Variants in PDGFD observed in about 807,000 individuals in gnomAD.
PDGFD encodes the protein platelet derived growth factor D.
Under a neutral mutation model 44.7 loss-of-function variants are expected in PDGFD, and 30 were observed. That is an observed-to-expected ratio of 0.67 (90% confidence interval 0.50 to 0.91). PDGFD has a LOEUF of 0.91. PDGFD is among the 40% of genes least tolerant of loss of function. The pLI is 0.00. For synonymous variants in PDGFD, 173 were observed against 168.4 expected (o/e 1.03, Z -0.21); for missense variants, 445 against 457.8 (o/e 0.97, Z 0.25).
chr11:103,926,271 T>C (rs1858313533), intron 6 of PDGFD, among the ~76,000 whole-genome samples: 1 of 152,232 alleles, frequency 6.6e-6, no homozygotes, highest in Non-Finnish European at 1.5e-5. Context: ...ACAATAGTTT[T>C]TGTCAAGCAA....
intron 1 of PDGFD, among the ~76,000 whole-genome samples, chr11:104,125,149 A>G (rs1861824207): frequency 6.6e-6 from 1 of 152,152 alleles, no homozygotes; most frequent in African/African-American, 2.4e-5. Context: ...TATGAAAGTA[A>G]TATGTTAGTA....
intron 1 of PDGFD, among the ~76,000 whole-genome samples, chr11:104,042,096 A>G (rs1860363462): frequency 6.6e-6 from 1 of 152,208 alleles, no homozygotes; most frequent in Non-Finnish European, 1.5e-5. Context: ...AGGAGCAAAC[A>G]TAAAGATGGG....
At chr11:103,973,157 G>C (rs879769052) in intron 3 of PDGFD, among the ~76,000 whole-genome samples, 3 of 75,750 alleles carry the variant, frequency 4.0e-5, no homozygotes, top group Non-Finnish European at 8.1e-5. Flanking sequence ...TTTTTTTTTT[G>C]AGATGGAGTC....
At chr11:103,975,670 A>G (rs1219213794) in intron 3 of PDGFD, among the ~76,000 whole-genome samples, 1 of 152,096 alleles carries the variant, frequency 6.6e-6, no homozygotes, top group Non-Finnish European at 1.5e-5. Context: ...TTAATTTTGT[A>G]TAAGGTATAT....
In PDGFD at chr11:103,943,536, C is replaced by G. The variant is rs781392119; in HGVS notation, c.688G>C (p.Glu230Gln). The change falls in exon 5 of 7, where the codon GAG (glutamate) becomes CAG (glutamine). Residue 230 changes from glutamate to glutamine, a missense_variant. Glu to Gln is a conservative substitution (Grantham distance 29). Coordinates refer to ENST00000393158, the MANE Select transcript of PDGFD (RefSeq NM_025208.5). ...TTCTCAAGATCTTCTTGCCATGACT[C>G]TGGATTGAAGTACTTGAGCAGATCT... ...VEDLLKYFNPESWQEDLENMY... is the reference protein window; with the variant it reads ...VEDLLKYFNPQSWQEDLENMY... 2.5e-6 allele frequency: 4 copies of G among 1,613,262 alleles called. No individual in the cohort carries two copies. In the South Asian group the frequency reaches 4.4e-5, roughly 18 times the overall value.
At chr11:104,066,611 A>T (rs1320871720) in intron 1 of PDGFD, among the ~76,000 whole-genome samples, 1 of 152,178 alleles carries the variant, frequency 6.6e-6, no homozygotes. Context: ...AACCTATTAT[A>T]ATTTATATAA....
At chr11:103,971,354 T>G (rs755439514) in intron 3 of PDGFD, among the ~76,000 whole-genome samples, 23 of 152,204 alleles carry the variant, frequency 1.5e-4, no homozygotes, top group African/African-American at 5.1e-4. Flanking sequence ...TGAAAGCTGA[T>G]GAGTGAACAG....
intron 1 of PDGFD, among the ~76,000 whole-genome samples, chr11:104,124,165 G>C (rs1414143733): frequency 6.6e-6 from 1 of 151,936 alleles, no homozygotes; most frequent in Non-Finnish European, 1.5e-5. Context: ...CTAAGAAAAT[G>C]TACAGAGTGG....
intron 1 of PDGFD, among the ~76,000 whole-genome samples, chr11:104,116,068 T>C (rs1050177945): frequency 6.6e-6 from 1 of 152,112 alleles, no homozygotes; most frequent in African/African-American, 2.4e-5. Context: ...TTGTTTTTAT[T>C]GCAATTGCTT....
chr11:104,075,404 A>T (rs965787509), intron 1 of PDGFD, among the ~76,000 whole-genome samples: 4 of 151,966 alleles, frequency 2.6e-5, no homozygotes, highest in African/African-American at 9.7e-5. Flanking sequence ...AATCTACACT[A>T]AGTGTGAGGT....
intron 6 of PDGFD, among the ~76,000 whole-genome samples, chr11:103,912,383 T>A (rs1446038488): frequency 6.6e-6 from 1 of 152,276 alleles, no homozygotes; most frequent in East Asian, 1.9e-4. Flanking sequence ...CAAACCAAGC[T>A]TCCTAAGTGA....
chr11:103,971,099 G>A (rs920079261), intron 3 of PDGFD, among the ~76,000 whole-genome samples: 1 of 152,070 alleles, frequency 6.6e-6, no homozygotes, highest in Non-Finnish European at 1.5e-5. Context: ...GAATATATGT[G>A]TCATAACTTT....
At chr11:104,080,275 T>C (rs536825793) in intron 1 of PDGFD, among the ~76,000 whole-genome samples, 1 of 152,318 alleles carries the variant, frequency 6.6e-6, no homozygotes, top group Admixed American at 6.5e-5. Context: ...AACAGGTGAA[T>C]AATATGTTAT....
intron 1 of PDGFD, chr11:104,038,157 T>A: frequency 1.3e-6 from 1 of 792,730 alleles, no homozygotes; most frequent in Non-Finnish European, 2.0e-6. Flanking sequence ...GATGGGTAAC[T>A]AACGTCAATC....
chr11:104,130,769 C>T (rs1443155916), intron 1 of PDGFD, among the ~76,000 whole-genome samples: 2 of 152,072 alleles, frequency 1.3e-5, no homozygotes, highest in Admixed American at 6.5e-5. Context: ...AAAGTTCCTC[C>T]CCTCCCCTGG....
At chr11:104,120,929 C>T (rs1326788331) in intron 1 of PDGFD, among the ~76,000 whole-genome samples, 2 of 151,958 alleles carry the variant, frequency 1.3e-5, no homozygotes, top group Non-Finnish European at 2.9e-5. Flanking sequence ...TCCTCCACAG[C>T]TCAAATGTAA....
intron 1 of PDGFD, among the ~76,000 whole-genome samples, chr11:104,161,730 T>C (rs186944217): frequency 2.6e-5 from 4 of 152,336 alleles, no homozygotes; most frequent in South Asian, 2.1e-4. Flanking sequence ...TTGCACCCCA[T>C]TGGGGACAAT....
At chr11:104,158,884 G>A (rs1862348296) in intron 1 of PDGFD, among the ~76,000 whole-genome samples, 1 of 144,376 alleles carries the variant, frequency 6.9e-6, no homozygotes, top group South Asian at 2.2e-4. Context: ...GCAGGGCGCG[G>A]TGGCTCAAGC....
At chr11:103,977,427 G>A (rs544972311) in intron 3 of PDGFD, among the ~76,000 whole-genome samples, 5 of 152,132 alleles carry the variant, frequency 3.3e-5, no homozygotes, top group South Asian at 4.2e-4. Context: ...GATGAACATC[G>A]ATGCAAAAAT....
Sources: allele counts gnomAD v4.1 joint callset (sites outside exome capture counted in the v4.1 genomes callset), GRCh38; gene constraint gnomAD v4.1.1; transcripts MANE v1.5; gene names NCBI Gene and HGNC (gene_info 2026-07-23, HGNC 2026-07-21).